Variants in SDK1 observed in about 807,000 individuals in gnomAD.
The protein encoded by SDK1 is sidekick cell adhesion molecule 1.
SDK1 carries 157 observed loss-of-function variants against 245.5 expected under a neutral mutation model. That is an observed-to-expected ratio of 0.64 (90% confidence interval 0.56 to 0.73). SDK1 has a LOEUF of 0.73. SDK1 is among the 30% of genes least tolerant of loss of function. The pLI is 0.00. For missense variants in SDK1, 3,583 were observed against 3,002.3 expected, an observed-to-expected ratio of 1.19 and a Z score of -4.52; for synonymous variants, 1,647 against 1,278.5, an observed-to-expected ratio of 1.29 and a Z score of -6.15.
In SDK1 at chr7:4,268,102, C is replaced by T; in HGVS notation, c.*2718C>T. The T allele has an allele frequency of 1.0e-6, 1 of 985,610 alleles. No individual in the cohort carries two copies. Among genetic ancestry groups the T allele is most frequent in the Non-Finnish European group, 1.2e-6 (1 of 830,058 alleles). 61.1% of individuals were successfully genotyped at this position (985,610 alleles called of 1,614,324 possible). A position where few individuals can be genotyped will look rare whatever the true frequency, so the allele number is the denominator to read the frequency against. On this transcript the variant is annotated 3_prime_UTR_variant, in exon 45 of 45. Coordinates refer to ENST00000404826, the MANE Select transcript of SDK1 (RefSeq NM_152744.4). The stretch of plus-strand genomic sequence containing the variant: ...TCTAAGCCAGGCTAGATGGAATGTG[C>T]TCCCGCTCTCTCCTGCCGTGCTGAA...
At chr7:3,892,933 C>A (rs1781497885) in intron 5 of SDK1, among the ~76,000 whole-genome samples, 1 of 152,172 alleles carries the variant, frequency 6.6e-6, no homozygotes, top group African/African-American at 2.4e-5. Context: ...GTTCTGATCT[C>A]TGCCAGCGCA....
chr7:3,561,450 C>G (rs1027528829), intron 1 of SDK1, among the ~76,000 whole-genome samples: 6 of 152,200 alleles, frequency 3.9e-5, no homozygotes, highest in Admixed American at 3.3e-4. Flanking sequence ...TTAGACTCCA[C>G]AAGCAGTGAA....
intron 4 of SDK1, among the ~76,000 whole-genome samples, chr7:3,814,747 A>T (rs530042807): frequency 7.1e-4 from 108 of 151,222 alleles, no homozygotes; most frequent in Admixed American, 1.5e-3. Flanking sequence ...ACCCATGAGC[A>T]TGGAATGTTC....
chr7:3,899,424 C>G (rs1000064718), intron 5 of SDK1, among the ~76,000 whole-genome samples: 1 of 152,240 alleles, frequency 6.6e-6, no homozygotes, highest in Non-Finnish European at 1.5e-5. Flanking sequence ...TGAGATGCAA[C>G]TTACAGGATA....
At chr7:3,874,973 G>A (rs1781039552) in intron 5 of SDK1, among the ~76,000 whole-genome samples, 2 of 152,070 alleles carry the variant, frequency 1.3e-5, no homozygotes, top group Non-Finnish European at 2.9e-5. Flanking sequence ...CACCCTTTAG[G>A]GTTCCTGGAG....
chr7:3,505,222 TAGG>T (rs1782356123), intron 1 of SDK1, among the ~76,000 whole-genome samples: 1 of 152,222 alleles, frequency 6.6e-6, no homozygotes, highest in African/African-American at 2.4e-5. Flanking sequence ...TTTTTTGATC[TAGG>T]GTTTACAATA....
chr7:3,359,625 C>T (rs370552743), intron 1 of SDK1, among the ~76,000 whole-genome samples: 2 of 152,110 alleles, frequency 1.3e-5, no homozygotes, highest in African/African-American at 2.4e-5. Flanking sequence ...ACAGGATCAC[C>T]GCCTGGTCCC....
At chr7:3,699,093 A>T (rs1784667291) in intron 4 of SDK1, among the ~76,000 whole-genome samples, 1 of 152,174 alleles carries the variant, frequency 6.6e-6, no homozygotes, top group Non-Finnish European at 1.5e-5. Flanking sequence ...CCTGGCAGAA[A>T]TGAAGGGCGG....
At chr7:4,126,728 A>G (rs1433912263) in intron 25 of SDK1, among the ~76,000 whole-genome samples, 2 of 152,218 alleles carry the variant, frequency 1.3e-5, no homozygotes, top group East Asian at 3.8e-4. Flanking sequence ...TTACATGTGT[A>G]TGGGTCGAGA....
intron 4 of SDK1, among the ~76,000 whole-genome samples, chr7:3,716,560 GGC>G (rs1359471944): frequency 2.6e-5 from 4 of 151,988 alleles, no homozygotes; most frequent in Non-Finnish European, 5.9e-5. Context: ...AGGAATTTGA[GGC>G]CAGCCTGGGC....
intron 1 of SDK1, among the ~76,000 whole-genome samples, chr7:3,356,477 G>A (rs2128559463): frequency 6.6e-6 from 1 of 152,166 alleles, no homozygotes; most frequent in Non-Finnish European, 1.5e-5. Flanking sequence ...GAGTTGGGAG[G>A]CTGCAGTATA....
At chr7:3,396,500 C>G (rs1050647761) in intron 1 of SDK1, among the ~76,000 whole-genome samples, 1 of 151,774 alleles carries the variant, frequency 6.6e-6, no homozygotes, top group African/African-American at 2.4e-5. Flanking sequence ...ACTATTGTTT[C>G]TCTTTAATTT....
At chr7:3,812,614 G>A (rs1448380898) in intron 4 of SDK1, among the ~76,000 whole-genome samples, 1 of 152,216 alleles carries the variant, frequency 6.6e-6, no homozygotes, top group Non-Finnish European at 1.5e-5. Flanking sequence ...TGTTTTTCAA[G>A]GCATGGGCCA....
intron 1 of SDK1, among the ~76,000 whole-genome samples, chr7:3,467,311 TA>T (rs948482323): frequency 6.6e-6 from 1 of 151,552 alleles, no homozygotes; most frequent in African/African-American, 2.4e-5. Context: ...TATGTTTCTC[TA>T]AAAAAAAGGA....
intron 4 of SDK1, among the ~76,000 whole-genome samples, chr7:3,759,604 T>C (rs1422234393): frequency 1.3e-5 from 2 of 150,452 alleles, no homozygotes; most frequent in Non-Finnish European, 3.0e-5. Context: ...ATTATTATTA[T>C]TATTATTATT....
chr7:3,938,000 G>T lies in SDK1; in HGVS notation c.848-12923G>T, dbSNP rs528757631. On this transcript the variant is annotated intron_variant, in intron 5 of 44. Transcript: ENST00000404826. The stretch of plus-strand genomic sequence containing the variant: ...TTACAGGCACCTACCACCACGCCCG[G>T]CTAATTTTGTATATTTAGTAGAAAC... Among the ~76,000 whole-genome samples the T allele has an allele frequency of 1.3e-5, 2 of 152,168 alleles. 1 individual carries two copies. Among genetic ancestry groups the T allele is most frequent in the South Asian group, 4.1e-4 (2 of 4,822 alleles).
At chr7:3,682,232 G>T (rs1438465602) in intron 4 of SDK1, among the ~76,000 whole-genome samples, 1 of 152,210 alleles carries the variant, frequency 6.6e-6, no homozygotes, top group Non-Finnish European at 1.5e-5. Flanking sequence ...TATTATGGAG[G>T]CACCAGAAAA....
At chr7:3,476,715 C>T (rs756825480) in intron 1 of SDK1, among the ~76,000 whole-genome samples, 2 of 152,046 alleles carry the variant, frequency 1.3e-5, no homozygotes, top group Non-Finnish European at 2.9e-5. Flanking sequence ...CGAATTTTTT[C>T]CTCTGTAACC....
intron 17 of SDK1, among the ~76,000 whole-genome samples, chr7:4,019,779 C>G (rs944692769): frequency 6.6e-6 from 1 of 152,136 alleles, no homozygotes; most frequent in Non-Finnish European, 1.5e-5. Context: ...CCAGCAGACA[C>G]AGTCGTAATT....
Sources: gnomAD v4.1 joint callset for allele counts (sites outside exome capture counted in the v4.1 genomes callset) on GRCh38, gnomAD v4.1.1 for gene constraint, MANE v1.5 for transcripts, NCBI Gene and HGNC (gene_info 2026-07-23, HGNC 2026-07-21) for gene names.